CUL5: variants seen among roughly 807,000 people sequenced by gnomAD.
The protein encoded by CUL5 is cullin-5.
Under a neutral mutation model 108.8 loss-of-function variants are expected in CUL5, and 26 were observed. The ratio of observed to expected loss-of-function variants is 0.24; its 90% confidence interval spans 0.18 to 0.33. The LOEUF (loss-of-function observed/expected upper bound fraction) is 0.33. CUL5 is among the 10% of genes least tolerant of loss of function. CUL5 has a pLI of 1.00. For synonymous variants in CUL5, 334 were observed against 298.0 expected (o/e 1.12, Z -1.25); for missense variants, 524 against 909.2 (o/e 0.58, Z 5.45).
At chr11:108,071,720 T>G (rs1863828167) in intron 8 of CUL5, among the ~76,000 whole-genome samples, 1 of 151,816 alleles carries the variant, frequency 6.6e-6, no homozygotes, top group African/African-American at 2.4e-5. Context: ...CTAATTTTGT[T>G]TGTTTGTTTT....
chr11:108,034,631 C>G (rs1862683134), intron 2 of CUL5, among the ~76,000 whole-genome samples: 1 of 152,078 alleles, frequency 6.6e-6, no homozygotes, highest in Admixed American at 6.5e-5. Context: ...TGAGAGATTT[C>G]CTTTAGGAAA....
chr11:108,098,591 T>TTTTA, intron 18 of CUL5, 62 bp downstream of exon 18: 1 of 994,568 alleles, frequency 1.0e-6, no homozygotes, highest in Non-Finnish European at 1.3e-6. Flanking sequence ...TTTTTTTTTT[T>TTTTA]AAATTTTGAA....
intron 1 of CUL5, among the ~76,000 whole-genome samples, chr11:108,026,713 A>G (rs918080066): frequency 6.6e-6 from 1 of 152,100 alleles, no homozygotes; most frequent in Non-Finnish European, 1.5e-5. Flanking sequence ...TTATTTGGCC[A>G]GGCGCAGTGG....
chr11:108,009,278 CCTCCGGT>C lies in CUL5; in HGVS notation c.-69_-63del. On this transcript the variant is annotated 5_prime_UTR_variant, in exon 1 of 19. Transcript: ENST00000393094. Reference sequence around the variant, plus strand: ...CCCTGGGCCCTGGTGGGAGCTCCGGCCTCCGGTCAAGGCCTGGCCGGGAGCGCCACGA... The same window carrying C: ...CCCTGGGCCCTGGTGGGAGCTCCGGCCAAGGCCTGGCCGGGAGCGCCACGA... 6.3e-7 allele frequency: 1 copy of C among 1,575,958 alleles called. No individual in the cohort carries two copies. The highest frequency in any genetic ancestry group is 1.3e-5 in the African/African-American group (1 of 74,306).
Position 108,071,611 on chromosome 11 carries a change from A to G in CUL5, c.875-721A>G, listed in dbSNP as rs1029729193. Among the ~76,000 whole-genome samples, 7 of 152,098 alleles carry G rather than the reference A, an allele frequency of 4.6e-5. No homozygotes were observed. The South Asian group carries it at 6.2e-4, about 14-fold the overall frequency. On this transcript the variant is annotated intron_variant, in intron 8 of 18. Coordinates refer to ENST00000393094, the MANE Select transcript of CUL5 (RefSeq NM_003478.6). ...CACCCAGGCTGAGTGCAATGGTGCA[A>G]TCACGGCTCACTGCAGCCTCAGCCT...
intron 7 of CUL5, among the ~76,000 whole-genome samples, chr11:108,056,955 A>T (rs1262469026): frequency 6.6e-6 from 1 of 152,172 alleles, no homozygotes; most frequent in Non-Finnish European, 1.5e-5. Context: ...AGTCTTAGTG[A>T]GGGAGAAAGG....
At chr11:108,012,078 A>G (rs1862070165) in intron 1 of CUL5, among the ~76,000 whole-genome samples, 1 of 152,180 alleles carries the variant, frequency 6.6e-6, no homozygotes. Context: ...GGGGTTTTGT[A>G]TCTCTGAAAA....
chr11:108,101,278 G>A (rs1054336565), intron 18 of CUL5, among the ~76,000 whole-genome samples: 4 of 152,230 alleles, frequency 2.6e-5, no homozygotes, highest in African/African-American at 7.2e-5. Context: ...GGTAATGACA[G>A]TAAAGGGAGT....
intron 7 of CUL5, among the ~76,000 whole-genome samples, chr11:108,055,773 A>G (rs1331930132): frequency 6.6e-6 from 1 of 151,906 alleles, no homozygotes; most frequent in Non-Finnish European, 1.5e-5. Flanking sequence ...TGGGACTACA[A>G]GCGCATGCCA....
chr11:108,014,548 GTTA>G (rs1168133181), intron 1 of CUL5, among the ~76,000 whole-genome samples: 1 of 152,168 alleles, frequency 6.6e-6, no homozygotes, highest in Non-Finnish European at 1.5e-5. Flanking sequence ...ATAAATAAAA[GTTA>G]TTATATTTTC....
intron 7 of CUL5, among the ~76,000 whole-genome samples, chr11:108,059,799 G>A (rs889212411): frequency 6.6e-5 from 10 of 151,650 alleles, no homozygotes; most frequent in Admixed American, 2.0e-4. Flanking sequence ...CAGGAGAATC[G>A]CTTGAACCCA....
In CUL5 at chr11:108,107,754, A is replaced by AT. The variant is rs1172512144; in HGVS notation, c.*3371dup. On this transcript the variant is annotated 3_prime_UTR_variant, in exon 19 of 19. Transcript: ENST00000393094. ...TATTTTCTTGCAAAATAAAAATGTA[A>AT]TATAAAAGCTTTTACCTATCCAGAA... is the stretch of plus-strand genomic sequence containing the variant. 6.6e-6 allele frequency: 1 copy of AT among 152,456 alleles called. No homozygotes were observed. The allele number at this position is 152,456 out of a possible 1,614,324, so 9.4% of individuals were successfully genotyped here. A position where few individuals can be genotyped will look rare whatever the true frequency, so the allele number is the denominator to read the frequency against.
At chr11:108,083,549 G>C (rs1565264075) in intron 11 of CUL5, among the ~76,000 whole-genome samples, 1 of 152,170 alleles carries the variant, frequency 6.6e-6, no homozygotes, top group Non-Finnish European at 1.5e-5. Context: ...TCAGCACTTT[G>C]GTAAGCCAAG....
chr11:108,040,804 C>T (rs1862884160), intron 2 of CUL5, among the ~76,000 whole-genome samples: 1 of 151,834 alleles, frequency 6.6e-6, no homozygotes, highest in Non-Finnish European at 1.5e-5. Context: ...ACATTGAGAA[C>T]ATTCTTCCCT....
chr11:108,035,053 G>C (rs1862697282), intron 2 of CUL5, among the ~76,000 whole-genome samples: 1 of 152,122 alleles, frequency 6.6e-6, no homozygotes, highest in African/African-American at 2.4e-5. Flanking sequence ...GTGTGTACCA[G>C]GAGGGGTGAC....
chr11:108,032,484 G>A (rs1283548383), intron 1 of CUL5, among the ~76,000 whole-genome samples: 2 of 151,972 alleles, frequency 1.3e-5, no homozygotes. Context: ...CTCCAGCCTG[G>A]GTGACAGAGC....
chr11:108,040,670 A>G (rs2135105946), intron 2 of CUL5, among the ~76,000 whole-genome samples: 1 of 151,226 alleles, frequency 6.6e-6, no homozygotes, highest in South Asian at 2.1e-4. Context: ...CTGTAGTCCC[A>G]ACTACTCAGG....
In CUL5 at chr11:108,065,586, G is replaced by A. The variant is rs148790756; in HGVS notation, c.781-4510G>A. On this transcript the variant is annotated intron_variant, in intron 7 of 18. Transcript: ENST00000393094. ...CTTTCTGCTGTGAAAGGGTGGTGGT[G>A]AGTTCAATGCAGTATCTCACAGTTG... Among the ~76,000 whole-genome samples, 823 of 152,244 alleles carry A rather than the reference G, an allele frequency of 5.4e-3. 5 individuals are homozygous for A. Among genetic ancestry groups the A allele is most frequent in the Non-Finnish European group, 9.9e-3 (673 of 68,022 alleles).
chr11:108,048,493 A>C (rs1452781920), intron 3 of CUL5, among the ~76,000 whole-genome samples: 1 of 152,078 alleles, frequency 6.6e-6, no homozygotes, highest in African/African-American at 2.4e-5. Flanking sequence ...TGTCATTCTC[A>C]AGGAGACCAG....
Sources: gnomAD v4.1 joint callset for allele counts (sites outside exome capture counted in the v4.1 genomes callset) on GRCh38, gnomAD v4.1.1 for gene constraint, MANE v1.5 for transcripts, NCBI Gene and HGNC (gene_info 2026-07-23, HGNC 2026-07-21) for gene names.